SLC9A8: variants seen among roughly 807,000 people sequenced by gnomAD.
SLC9A8 encodes solute carrier family 9 member A8.
Under a neutral mutation model 66.6 loss-of-function variants are expected in SLC9A8, and 48 were observed. That is an observed-to-expected ratio of 0.72 (90% CI 0.57 to 0.92). The LOEUF is 0.92. Ranked by LOEUF, SLC9A8 falls within the 40% of genes least tolerant of loss-of-function variation. SLC9A8 has a pLI of 0.00. For synonymous variants in SLC9A8, 274 were observed against 282.6 expected (o/e 0.97, Z 0.31); for missense variants, 599 against 747.3 (o/e 0.80, Z 2.31).
chr20:49,844,700 T>A (rs2087909337), intron 4 of SLC9A8, among the ~76,000 whole-genome samples: 1 of 149,700 alleles, frequency 6.7e-6, no homozygotes, highest in South Asian at 2.1e-4. Context: ...CTCAGGAGGC[T>A]GAAGTGAGAG....
At chr20:49,819,396 C>T (rs1348490457) in intron 2 of SLC9A8, among the ~76,000 whole-genome samples, 1 of 152,166 alleles carries the variant, frequency 6.6e-6, no homozygotes, top group African/African-American at 2.4e-5. Flanking sequence ...TTCGTAAGTA[C>T]ATGCAGAAAC....
intron 10 of SLC9A8, among the ~76,000 whole-genome samples, chr20:49,869,945 G>A (rs1217822074): frequency 6.6e-6 from 1 of 152,174 alleles, no homozygotes; most frequent in Non-Finnish European, 1.5e-5. Flanking sequence ...TTGCAGCACT[G>A]CTTGGGAGAG....
chr20:49,842,273 T>C (rs147332900), intron 4 of SLC9A8, among the ~76,000 whole-genome samples: 4,676 of 150,570 alleles, frequency 0.031, 265 homozygotes, highest in African/African-American at 0.11. Context: ...TTTCACCAAA[T>C]TGGCCAGGCT....
In SLC9A8 at chr20:49,892,161, T is replaced by C. The variant is rs1299992541; in HGVS notation, c.*4225T>C. 1 of 152,172 alleles carries C rather than the reference T, an allele frequency of 6.6e-6. No homozygotes were observed. The highest frequency in any genetic ancestry group is 1.5e-5 in the Non-Finnish European group (1 of 68,042). The allele number at this position is 152,172 out of a possible 1,614,324, so 9.4% of individuals were successfully genotyped here. A position where few individuals can be genotyped will look rare whatever the true frequency, so the allele number is the denominator to read the frequency against. On this transcript the variant is annotated 3_prime_UTR_variant, in exon 16 of 16. Coordinates refer to ENST00000361573, the MANE Select transcript of SLC9A8 (RefSeq NM_015266.3). ...CCCCTGCGTCATCTCGTTGGACTCT[T>C]TAAGGGAGTCAGGAATAGATGTATG...
chr20:49,822,461 A>C (rs541063317), intron 2 of SLC9A8, among the ~76,000 whole-genome samples: 1 of 152,334 alleles, frequency 6.6e-6, no homozygotes, highest in East Asian at 1.9e-4. Context: ...ATTTTAAATA[A>C]TTTTATAAGG....
intron 10 of SLC9A8, among the ~76,000 whole-genome samples, chr20:49,868,478 T>C (rs1243689591): frequency 6.6e-6 from 1 of 152,234 alleles, no homozygotes; most frequent in Non-Finnish European, 1.5e-5. Flanking sequence ...TTCTGCTGTC[T>C]TCACCTTCCT....
intron 8 of SLC9A8, among the ~76,000 whole-genome samples, chr20:49,859,709 C>A (rs1385913371): frequency 6.6e-6 from 1 of 152,130 alleles, no homozygotes; most frequent in Non-Finnish European, 1.5e-5. Flanking sequence ...TCTGTTTCTT[C>A]GGTAACTTGA....
In SLC9A8 at chr20:49,886,603, AGGCCGTCTGCTGCCCGTCACCCTGCATT is replaced by A; in HGVS notation, c.1492-147_1492-120del. 1 of 878,842 alleles carries A rather than the reference AGGCCGTCTGCTGCCCGTCACCCTGCATT, an allele frequency of 1.1e-6. No individual in the cohort carries two copies. Among genetic ancestry groups the A allele is most frequent in the Non-Finnish European group, 1.7e-6 (1 of 583,362 alleles). 54.4% of individuals were successfully genotyped at this position (878,842 alleles called of 1,614,324 possible). A position where few individuals can be genotyped will look rare whatever the true frequency, so the allele number is the denominator to read the frequency against. On this transcript the variant is annotated intron_variant, in intron 14 of 15. Coordinates refer to ENST00000361573, the MANE Select transcript of SLC9A8 (RefSeq NM_015266.3). This position sits in a 1 kb window ranked among gnomAD's most constrained non-coding sequence, Gnocchi z 4.8. ...TCCTGCCTCCCTGCAGGCTCCCAGG[AGGCCGTCTGCTGCCCGTCACCCTGCATT>A]GATGGTCAAGTGGAGTTAGGGTTGG...
intron 10 of SLC9A8, among the ~76,000 whole-genome samples, chr20:49,869,856 A>G (rs749853709): frequency 6.6e-6 from 1 of 152,132 alleles, no homozygotes; most frequent in African/African-American, 2.4e-5. Context: ...AATAAAAATA[A>G]AAAGATACTG....
chr20:49,840,681 C>A (rs560082865), intron 4 of SLC9A8, among the ~76,000 whole-genome samples: 1 of 152,316 alleles, frequency 6.6e-6, no homozygotes, highest in Non-Finnish European at 1.5e-5. Context: ...CATGTGGGAT[C>A]TCTGCCTTCC....
intron 8 of SLC9A8, among the ~76,000 whole-genome samples, chr20:49,860,926 GAC>G (rs2088705443): frequency 6.6e-6 from 1 of 152,182 alleles, no homozygotes; most frequent in African/African-American, 2.4e-5. Context: ...AATGAGGCAC[GAC>G]AGTTTCCCAT....
In SLC9A8 at chr20:49,864,910, T is replaced by C. The variant is rs951987228; in HGVS notation, c.958+66T>C. The C allele has an allele frequency of 1.6e-5, 17 of 1,048,598 alleles. No individual in the cohort carries two copies. In the African/African-American group the frequency reaches 2.2e-4, roughly 14 times the overall value. 65.0% of individuals were successfully genotyped at this position (1,048,598 alleles called of 1,614,324 possible). On this transcript the variant is annotated intron_variant, in intron 10 of 15. Coordinates refer to ENST00000361573, the MANE Select transcript of SLC9A8 (RefSeq NM_015266.3). ...CTTGTCCTGCCTGGGGAAAGAGGCT[T>C]TGTCAGTTGGGTCACTTTTAGTCAC...
chr20:49,815,438 A>C (rs1240815002), intron 2 of SLC9A8: 15 of 345,222 alleles, frequency 4.3e-5, no homozygotes, highest in Admixed American at 9.6e-5. Context: ...AGAAGGATTA[A>C]AAAAATTTTG....
intron 1 of SLC9A8, among the ~76,000 whole-genome samples, 186 bp downstream of exon 1, chr20:49,813,134 T>C (rs2086417967): frequency 6.6e-6 from 1 of 152,216 alleles, no homozygotes; most frequent in Admixed American, 6.5e-5. Context: ...GGGCCTTGCT[T>C]TCCCCTGGAG....
At chr20:49,825,782 C>T (rs1250855229) in intron 3 of SLC9A8, among the ~76,000 whole-genome samples, 1 of 152,212 alleles carries the variant, frequency 6.6e-6, no homozygotes. Context: ...CATGCCTCAG[C>T]AGTGAATCCC....
chr20:49,824,595 A>T (rs2086851175), intron 3 of SLC9A8, among the ~76,000 whole-genome samples: 1 of 152,218 alleles, frequency 6.6e-6, no homozygotes, highest in East Asian at 1.9e-4. Flanking sequence ...TTATAATTTC[A>T]TTTGGAATTT....
intron 2 of SLC9A8, among the ~76,000 whole-genome samples, chr20:49,815,779 G>A (rs985623170): frequency 7.2e-5 from 11 of 152,040 alleles, no homozygotes; most frequent in Admixed American, 7.2e-4. Context: ...CTAGTTTAAT[G>A]GATTTCAAGT....
intron 3 of SLC9A8, chr20:49,829,805 A>G: frequency 1.8e-6 from 1 of 554,930 alleles, no homozygotes; most frequent in South Asian, 1.4e-5. Context: ...AACTCAGGTG[A>G]TGAGAAGTGC....
chr20:49,856,086 C>T (rs1002212322), intron 8 of SLC9A8, among the ~76,000 whole-genome samples: 1 of 152,194 alleles, frequency 6.6e-6, no homozygotes, highest in African/African-American at 2.4e-5. Flanking sequence ...AGCCATTGCT[C>T]CTGGCTTTGC....
Sources: gnomAD v4.1 joint callset for allele counts (sites outside exome capture counted in the v4.1 genomes callset) on GRCh38, gnomAD v4.1.1 for gene constraint, Gnocchi (gnomAD v3.1) non-coding constraint, MANE v1.5 for transcripts, NCBI Gene and HGNC (gene_info 2026-07-23, HGNC 2026-07-21) for gene names.